Variants in EBAG9 observed in about 807,000 individuals in gnomAD.
EBAG9 encodes receptor-binding cancer antigen expressed on SiSo cells.
In EBAG9, 16 loss-of-function variants were observed where a neutral mutation model predicts 30.9. That is an observed-to-expected ratio of 0.52 (90% CI 0.35 to 0.79). The LOEUF is 0.79. EBAG9 is among the 30% of genes least tolerant of loss of function. EBAG9 has a pLI of 0.01. For synonymous variants in EBAG9, 93 were observed against 82.8 expected, an observed-to-expected ratio of 1.12 and a Z score of -0.67; for missense variants, 197 against 242.1, an observed-to-expected ratio of 0.81 and a Z score of 1.24.
intron 4 of EBAG9, 34 bp from the exon 5 acceptor site, chr8:109,556,900 AG>A: frequency 8.3e-7 from 1 of 1,202,466 alleles, no homozygotes; most frequent in Non-Finnish European, 1.2e-6. Context: ...GATTTGTAAA[AG>A]ATCCCTATAA....
chr8:109,556,149 C>T (rs1821592930), intron 4 of EBAG9, among the ~76,000 whole-genome samples: 1 of 151,994 alleles, frequency 6.6e-6, no homozygotes, highest in East Asian at 1.9e-4. Flanking sequence ...CTTATTCAAA[C>T]ATAGAAAATA....
chr8:109,550,634 T>C, intron 1 of EBAG9, 176 bp from the exon 2 acceptor site: 2 of 481,022 alleles, frequency 4.2e-6, no homozygotes, highest in Non-Finnish European at 7.3e-6. Context: ...GAAAACCTGG[T>C]TTTTGACTTG....
Position 109,564,887 on chromosome 8 carries a change from T to A in EBAG9, c.*328T>A. The A allele has an allele frequency of 5.9e-6, 1 of 170,506 alleles. No individual in the cohort carries two copies. The highest frequency in any genetic ancestry group is 1.5e-4 in the East Asian group (1 of 6,752). The allele number at this position is 170,506 out of a possible 1,614,324, so 10.6% of individuals were successfully genotyped here. ...GCTAAATAAATGGGTGTATATAATT[T>A]TATGGTGGAAAAGAACTGTACTGTC... On this transcript the variant is annotated 3_prime_UTR_variant, in exon 7 of 7. Coordinates refer to ENST00000337573, the MANE Select transcript of EBAG9 (RefSeq NM_004215.5).
chr8:109,562,223 A>C (rs1478208782), intron 6 of EBAG9, among the ~76,000 whole-genome samples: 1 of 152,116 alleles, frequency 6.6e-6, no homozygotes, highest in African/African-American at 2.4e-5. Context: ...TAAATACAGT[A>C]ATCTCACTGT....
At chr8:109,562,081 T>C (rs1821723149) in intron 6 of EBAG9, among the ~76,000 whole-genome samples, 2 of 152,066 alleles carry the variant, frequency 1.3e-5, no homozygotes, top group Non-Finnish European at 2.9e-5. Context: ...ATAAATCATC[T>C]CTTTAAAATT....
At chr8:109,559,269 C>T (rs1399037092) in intron 5 of EBAG9, among the ~76,000 whole-genome samples, 6 of 152,016 alleles carry the variant, frequency 3.9e-5, no homozygotes, top group Non-Finnish European at 8.8e-5. Context: ...CCAGCCTAGG[C>T]AACATGGCGA....
chr8:109,561,229 A>G (rs1359428272), intron 6 of EBAG9, among the ~76,000 whole-genome samples: 1 of 150,726 alleles, frequency 6.6e-6, no homozygotes, highest in East Asian at 1.9e-4. Flanking sequence ...ATATATATAT[A>G]TAAGGTTATA....
Position 109,564,683 on chromosome 8 carries a change from C to T in EBAG9, c.*124C>T, listed in dbSNP as rs1821783152. The T allele has an allele frequency of 9.0e-6, 12 of 1,340,536 alleles. No individual in the cohort carries two copies. The highest frequency in any genetic ancestry group is 1.2e-5 in the Non-Finnish European group (12 of 989,230). 83.0% of individuals were successfully genotyped at this position (1,340,536 alleles called of 1,614,324 possible). A position where few individuals can be genotyped will look rare whatever the true frequency, so the allele number is the denominator to read the frequency against. On this transcript the variant is annotated 3_prime_UTR_variant, in exon 7 of 7. Transcript: ENST00000337573. ...CTTGATTTTAATACATTGATCAGGC[C>T]ATCCAGGACACCACGATTCTCCCAA...
chr8:109,545,264 G>A (rs1821359268), intron 1 of EBAG9, among the ~76,000 whole-genome samples: 1 of 146,654 alleles, frequency 6.8e-6, no homozygotes, highest in African/African-American at 2.6e-5. Context: ...GGAAGTTGCG[G>A]TGAGCTGAGA....
In EBAG9 at chr8:109,560,987, T is replaced by C. The variant is rs1192860403; in HGVS notation, c.521+58T>C. On this transcript the variant is annotated intron_variant, in intron 6 of 6. Coordinates refer to ENST00000337573, the MANE Select transcript of EBAG9 (RefSeq NM_004215.5). The stretch of plus-strand genomic sequence containing the variant: ...TAGAAGAACTAGATTTCTTCCCTGC[T>C]GTGTTTCAAGTCAAGGGAGCCTATT... The C allele has an allele frequency of 1.2e-5, 17 of 1,471,318 alleles. No homozygotes were observed. The Admixed American group carries it at 2.8e-4, about 24-fold the overall frequency. 91.1% of individuals were successfully genotyped at this position (1,471,318 alleles called of 1,614,324 possible).
chr8:109,552,888 G>A (rs746483153), intron 2 of EBAG9, among the ~76,000 whole-genome samples: 34 of 152,124 alleles, frequency 2.2e-4, no homozygotes, highest in Non-Finnish European at 4.4e-4. Flanking sequence ...TTGAGGCCAG[G>A]AGTTCAAGAC....
intron 1 of EBAG9, among the ~76,000 whole-genome samples, chr8:109,541,170 A>G (rs1821266537): frequency 6.6e-6 from 1 of 152,098 alleles, no homozygotes; most frequent in African/African-American, 2.4e-5. Flanking sequence ...GATATACCTC[A>G]AATTTTTGTC....
At chr8:109,551,623 G>C (rs1186905914) in intron 2 of EBAG9, among the ~76,000 whole-genome samples, 1 of 152,136 alleles carries the variant, frequency 6.6e-6, no homozygotes, top group Non-Finnish European at 1.5e-5. Context: ...AAATCCTGCA[G>C]TATTTTTTTA....
chr8:109,557,527 A>G (rs929922268), intron 5 of EBAG9, among the ~76,000 whole-genome samples: 1 of 152,222 alleles, frequency 6.6e-6, no homozygotes, highest in African/African-American at 2.4e-5. Flanking sequence ...GAGGTTTTTT[A>G]AAAGCACAAA....
intron 6 of EBAG9, among the ~76,000 whole-genome samples, chr8:109,562,376 G>A (rs1821728329): frequency 6.6e-6 from 1 of 152,072 alleles, no homozygotes; most frequent in Non-Finnish European, 1.5e-5. Context: ...GACAGCTTGG[G>A]AGAGTGAGAT....
At position 109,557,679 on chromosome 8, in the gene EBAG9, C is replaced by T; in HGVS notation, c.429+637C>T. 3 of 455,938 alleles carry T rather than the reference C, an allele frequency of 6.6e-6. 1 individual carries two copies. Among genetic ancestry groups the T allele is most frequent in the South Asian group, 4.6e-5 (3 of 64,544 alleles). 28.2% of individuals were successfully genotyped at this position (455,938 alleles called of 1,614,324 possible). On this transcript the variant is annotated intron_variant, in intron 5 of 6. Transcript: ENST00000337573. ...AACACAGTTTCTGTGGATTGGGAATCCAGGTGACTAAACTGGGTGGTTCTA... is the reference window on the plus strand; with the variant it reads ...AACACAGTTTCTGTGGATTGGGAATTCAGGTGACTAAACTGGGTGGTTCTA...
At chr8:109,541,773 G>C (rs1821280413) in intron 1 of EBAG9, among the ~76,000 whole-genome samples, 1 of 152,172 alleles carries the variant, frequency 6.6e-6, no homozygotes, top group Non-Finnish European at 1.5e-5. Context: ...ATCCAAAGTA[G>C]CGACTGAAAC....
At position 109,554,705 on chromosome 8, in the gene EBAG9, A is replaced by C. The variant is rs747451132; in HGVS notation, c.163-24A>C. On this transcript the variant is annotated intron_variant, in intron 3 of 6. Transcript: ENST00000337573. The stretch of plus-strand genomic sequence containing the variant: ...TCATTAAGTTGCCCCTTTGTGGCTG[A>C]TAATGTTGATCAATTAAATTTAGAC... 5 of 1,605,530 alleles carry C rather than the reference A, an allele frequency of 3.1e-6. No homozygotes were observed. The South Asian group carries it at 4.4e-5, about 14-fold the overall frequency.
intron 6 of EBAG9, among the ~76,000 whole-genome samples, chr8:109,562,988 C>A (rs997919775): frequency 2.0e-5 from 3 of 151,986 alleles, no homozygotes; most frequent in Non-Finnish European, 4.4e-5. Flanking sequence ...TTGTTTATAA[C>A]CTAGCCAGCC....
Sources: gnomAD v4.1 joint callset for allele counts (sites outside exome capture counted in the v4.1 genomes callset) on GRCh38, gnomAD v4.1.1 for gene constraint, MANE v1.5 for transcripts, NCBI Gene and HGNC (gene_info 2026-07-23, HGNC 2026-07-21) for gene names.